The following THSD7B variants were observed in gnomAD, a reference collection of about 807,000 sequenced individuals.
THSD7B encodes thrombospondin type-1 domain-containing protein 7B.
THSD7B carries 138 observed loss-of-function variants against 213.6 expected under a neutral mutation model. That is an observed-to-expected ratio of 0.65 (90% CI 0.56 to 0.74). THSD7B has a LOEUF of 0.74. THSD7B is among the 30% of genes least tolerant of loss of function. The pLI is 0.00. For synonymous variants in THSD7B, 742 were observed against 687.0 expected (o/e 1.08, Z -1.25); for missense variants, 1,931 against 1,991.5 (o/e 0.97, Z 0.58).
rs919154378 is a variant in THSD7B at position 137,194,654 on chromosome 2, T to C, written c.1723+23716T>C. 2.6e-5 allele frequency among the ~76,000 whole-genome samples: 4 copies of C among 152,202 alleles called. No homozygotes were observed. The East Asian group carries it at 5.8e-4, about 22-fold the overall frequency. ...CTTCATACAGGTTTTATACATTGCT[T>C]TTCAAGATTATTCCTATTCTATCTT... is the stretch of plus-strand genomic sequence containing the variant. On this transcript the variant is annotated intron_variant, in intron 7 of 27. Coordinates refer to ENST00000409968, the MANE Select transcript of THSD7B (RefSeq NM_001316349.2).
At chr2:137,176,206 G>A (rs1680354540) in intron 7 of THSD7B, among the ~76,000 whole-genome samples, 2 of 151,966 alleles carry the variant, frequency 1.3e-5, no homozygotes, top group Admixed American at 6.6e-5. Context: ...TATAAAATTC[G>A]AGCCACCTGA....
At chr2:137,112,318 G>A (rs1221531719) in intron 4 of THSD7B, among the ~76,000 whole-genome samples, 1 of 151,770 alleles carries the variant, frequency 6.6e-6, no homozygotes, top group Non-Finnish European at 1.5e-5. Context: ...TATTGGTGTG[G>A]TTTTTCCTCT....
chr2:137,055,226 G>A (rs1366623667), intron 2 of THSD7B, among the ~76,000 whole-genome samples: 6 of 152,114 alleles, frequency 3.9e-5, no homozygotes, highest in Non-Finnish European at 5.9e-5. Flanking sequence ...ATTGTGAATA[G>A]TGCTGCAATA....
intron 2 of THSD7B, among the ~76,000 whole-genome samples, chr2:136,900,870 G>A (rs1340968256): frequency 1.3e-5 from 2 of 152,140 alleles, no homozygotes; most frequent in Admixed American, 6.5e-5. Flanking sequence ...AATGAGTTTT[G>A]CTAATGAGTC....
intron 2 of THSD7B, among the ~76,000 whole-genome samples, chr2:136,990,645 C>T (rs1685762138): frequency 6.6e-6 from 1 of 152,080 alleles, no homozygotes; most frequent in South Asian, 2.1e-4. Context: ...GGAAAATGGC[C>T]TTATTTCATA....
intron 17 of THSD7B, among the ~76,000 whole-genome samples, chr2:137,586,542 A>G (rs1681732912): frequency 6.6e-6 from 1 of 152,120 alleles, no homozygotes; most frequent in African/African-American, 2.4e-5. Context: ...TGGTGACATA[A>G]TCTCTCAGCA....
intron 1 of THSD7B, among the ~76,000 whole-genome samples, chr2:136,838,458 C>T (rs1057055398): frequency 2.0e-5 from 3 of 152,198 alleles, no homozygotes; most frequent in Admixed American, 2.0e-4. Context: ...GTTTCTATAA[C>T]TGATTTCATC....
At chr2:137,379,716 G>T (rs1414262431) in intron 12 of THSD7B, among the ~76,000 whole-genome samples, 5 of 152,214 alleles carry the variant, frequency 3.3e-5, no homozygotes, top group Non-Finnish European at 7.3e-5. Context: ...TGGTTGGTTT[G>T]TGAAGCTCTA....
At chr2:137,424,474 A>T (rs1464797502) in intron 14 of THSD7B, among the ~76,000 whole-genome samples, 1 of 152,196 alleles carries the variant, frequency 6.6e-6, no homozygotes, top group Admixed American at 6.5e-5. Context: ...AGATGCAATA[A>T]TCCTCAACAA....
At chr2:137,003,627 C>T (rs184853976) in intron 2 of THSD7B, among the ~76,000 whole-genome samples, 72 of 152,254 alleles carry the variant, frequency 4.7e-4, no homozygotes, top group African/African-American at 1.7e-3. Flanking sequence ...ATTCTGACTT[C>T]CATTTGGGTC....
At chr2:137,452,227 T>C (rs1314346115) in intron 15 of THSD7B, among the ~76,000 whole-genome samples, 3 of 152,068 alleles carry the variant, frequency 2.0e-5, no homozygotes, top group African/African-American at 7.2e-5. Flanking sequence ...ATAATGACCA[T>C]AGTTTATTCT....
intron 15 of THSD7B, among the ~76,000 whole-genome samples, chr2:137,558,413 G>A (rs930525971): frequency 9.2e-5 from 14 of 152,194 alleles, no homozygotes; most frequent in Middle Eastern, 3.4e-3. Flanking sequence ...TTCAACATAT[G>A]CAAATCAATA....
chr2:137,471,605 G>T (rs1175889273), intron 15 of THSD7B, among the ~76,000 whole-genome samples: 1 of 151,938 alleles, frequency 6.6e-6, no homozygotes, highest in Non-Finnish European at 1.5e-5. Context: ...AGGTCTAGGG[G>T]TCATCACATG....
intron 2 of THSD7B, among the ~76,000 whole-genome samples, chr2:137,018,410 A>T (rs1686381950): frequency 6.6e-6 from 1 of 152,190 alleles, no homozygotes; most frequent in South Asian, 2.1e-4. Context: ...TAGTAGGAAT[A>T]CAGAAGTACT....
chr2:137,050,104 A>G (rs1405806639), intron 2 of THSD7B, among the ~76,000 whole-genome samples: 5 of 152,146 alleles, frequency 3.3e-5, no homozygotes, highest in African/African-American at 1.2e-4. Flanking sequence ...GGGCTGTAAG[A>G]TTCTCTTGCC....
At chr2:137,296,603 T>C (rs1195289880) in intron 12 of THSD7B, among the ~76,000 whole-genome samples, 1 of 152,198 alleles carries the variant, frequency 6.6e-6, no homozygotes, top group African/African-American at 2.4e-5. Flanking sequence ...TGATTTTTAC[T>C]AATGGTTAAT....
At position 137,616,247 on chromosome 2, in the gene THSD7B, G is replaced by C; in HGVS notation, c.3496G>C (p.Ala1166Pro). ...LRPSLNSRTC[A>P]EDSQVQPCLL... is the part of the protein sequence containing the mutation. Reference sequence around the variant, plus strand: ...ACCATCACTGAACTCAAGGACTTGTGCTGAAGACTCACAGGTGCAGCCTTG... The same window carrying C: ...ACCATCACTGAACTCAAGGACTTGTCCTGAAGACTCACAGGTGCAGCCTTG... Residue 1166 changes from alanine to proline, a missense_variant, in exon 18 of 28, where the codon GCT becomes CCT. Ala to Pro is a conservative substitution (Grantham distance 27). Transcript: ENST00000409968. 1 of 1,613,828 alleles carries C rather than the reference G, an allele frequency of 6.2e-7. No homozygotes were observed. Among genetic ancestry groups the C allele is most frequent in the South Asian group, 1.1e-5 (1 of 91,078 alleles).
chr2:137,318,606 A>G (rs1350878679), intron 12 of THSD7B, among the ~76,000 whole-genome samples: 2 of 152,098 alleles, frequency 1.3e-5, no homozygotes, highest in South Asian at 4.2e-4. Flanking sequence ...TTGGAAAACC[A>G]TGATCCAACA....
At chr2:137,581,751 C>T (rs1428860311) in intron 17 of THSD7B, among the ~76,000 whole-genome samples, 2 of 145,626 alleles carry the variant, frequency 1.4e-5, no homozygotes, top group African/African-American at 2.5e-5. Flanking sequence ...CAGAGCGAGA[C>T]TCCGTCTCAA....
Sources: allele counts gnomAD v4.1 joint callset (sites outside exome capture counted in the v4.1 genomes callset), GRCh38; gene constraint gnomAD v4.1.1; transcripts MANE v1.5; gene names NCBI Gene and HGNC (gene_info 2026-07-23, HGNC 2026-07-21).